The following SPATA16 variants were observed in gnomAD, a reference collection of about 807,000 sequenced individuals.
The protein encoded by SPATA16 is spermatogenesis associated 16, also known as spermatogenesis-associated protein 16.
In SPATA16, 36 loss-of-function variants were observed where a neutral mutation model predicts 63.3. The observed-to-expected ratio is 0.57, with a 90% CI of 0.44 to 0.75. The LOEUF (loss-of-function observed/expected upper bound fraction) is 0.75, where lower values mean the gene tolerates loss of function less well. SPATA16 is among the 30% of genes least tolerant of loss of function. SPATA16 has a pLI of 0.00. For synonymous variants in SPATA16, 203 were observed against 216.7 expected (o/e 0.94, Z 0.56); for missense variants, 646 against 679.3 (o/e 0.95, Z 0.54).
chr3:172,995,652 A>T (rs1734677409), intron 4 of SPATA16, among the ~76,000 whole-genome samples: 1 of 152,156 alleles, frequency 6.6e-6, no homozygotes, highest in African/African-American at 2.4e-5. Context: ...AAATTTGAGA[A>T]TATGGTGGAT....
chr3:172,918,561 G>A (rs990114096), intron 8 of SPATA16, among the ~76,000 whole-genome samples: 1 of 151,908 alleles, frequency 6.6e-6, no homozygotes, highest in African/African-American at 2.4e-5. Context: ...AGGGGTTTTT[G>A]AAAGACAAAG....
intron 3 of SPATA16, among the ~76,000 whole-genome samples, chr3:173,042,946 A>G (rs2108290658): frequency 6.6e-6 from 1 of 152,242 alleles, no homozygotes; most frequent in East Asian, 1.9e-4. Context: ...CTAGTAGTAC[A>G]CCTTCTCTTA....
chr3:172,916,369 T>G lies in SPATA16; in HGVS notation c.1451A>C (p.Glu484Ala), dbSNP rs756214592. Residue 484 changes from glutamate (E) to alanine (A), a missense_variant, in exon 9 of 11, where the codon GAG becomes GCG. Physicochemically the swap from Glu to Ala is moderately radical, Grantham distance 107 (BLOSUM62 -1). Transcript: ENST00000351008. Reference sequence around the variant, plus strand: ...CTGTAGGTAGGGAATGGTTGCTAGCTCTGCCATTGCTTGATTAATCACCTG... The same window carrying G: ...CTGTAGGTAGGGAATGGTTGCTAGCGCTGCCATTGCTTGATTAATCACCTG... ...QSQVINQAMAELATIPYLQDI... is the reference protein window; with the variant it reads ...QSQVINQAMAALATIPYLQDI... 18 of 1,613,760 alleles carry G rather than the reference T, an allele frequency of 1.1e-5. No homozygotes were observed. The highest frequency in any genetic ancestry group is 1.4e-5 in the Non-Finnish European group (16 of 1,179,796).
chr3:173,125,047 T>C (rs1231374328), intron 1 of SPATA16, among the ~76,000 whole-genome samples: 3 of 152,160 alleles, frequency 2.0e-5, no homozygotes, highest in Non-Finnish European at 4.4e-5. Flanking sequence ...ATCTAATACA[T>C]CTTAACAATA....
intron 4 of SPATA16, among the ~76,000 whole-genome samples, chr3:172,994,381 A>G (rs1255976718): frequency 1.3e-5 from 2 of 152,222 alleles, no homozygotes; most frequent in African/African-American, 4.8e-5. Flanking sequence ...AAGCAGAATC[A>G]GAGAAACCAG....
At chr3:173,010,433 G>GGT (rs1360742892) in intron 4 of SPATA16, among the ~76,000 whole-genome samples, 2 of 117,278 alleles carry the variant, frequency 1.7e-5, no homozygotes, top group Non-Finnish European at 3.5e-5. Flanking sequence ...GGCACGTTGT[G>GGT]GCGTGTGTGT....
At chr3:173,037,480 T>C (rs939159554) in intron 3 of SPATA16, among the ~76,000 whole-genome samples, 1 of 152,086 alleles carries the variant, frequency 6.6e-6, no homozygotes, top group African/African-American at 2.4e-5. Flanking sequence ...AATCAAACAC[T>C]GCTTTGAATT....
intron 1 of SPATA16, among the ~76,000 whole-genome samples, chr3:173,133,108 G>T (rs1303110781): frequency 6.6e-6 from 1 of 152,208 alleles, no homozygotes; most frequent in Non-Finnish European, 1.5e-5. Context: ...TTTATGGAAA[G>T]AAGCATTACT....
At chr3:173,024,132 C>G (rs918549673) in intron 3 of SPATA16, among the ~76,000 whole-genome samples, 1 of 151,256 alleles carries the variant, frequency 6.6e-6, no homozygotes, top group African/African-American at 2.4e-5. Context: ...TTTCCAAACT[C>G]TTATTGATAG....
chr3:173,053,264 A>C (rs1386323380), intron 2 of SPATA16, among the ~76,000 whole-genome samples: 2 of 152,020 alleles, frequency 1.3e-5, no homozygotes, highest in Non-Finnish European at 2.9e-5. Context: ...GATGAGGCAG[A>C]GTTTGCAGTG....
chr3:172,898,147 A>G (rs963634875), intron 10 of SPATA16, among the ~76,000 whole-genome samples: 1 of 151,992 alleles, frequency 6.6e-6, no homozygotes, highest in Non-Finnish European at 1.5e-5. Flanking sequence ...GCTAAATTCT[A>G]TTTGTTAATG....
At chr3:172,944,385 T>C (rs1323822553) in intron 6 of SPATA16, among the ~76,000 whole-genome samples, 1 of 152,124 alleles carries the variant, frequency 6.6e-6, no homozygotes, top group Admixed American at 6.5e-5. Flanking sequence ...CATGGGGAAA[T>C]TGGAACACTC....
rs192168200 is a variant in SPATA16 at position 173,138,711 on chromosome 3, G to T, written c.-19+2392C>A. Among the ~76,000 whole-genome samples the T allele has an allele frequency of 2.5e-4, 38 of 152,234 alleles. No individual in the cohort carries two copies. In the East Asian group the frequency reaches 7.3e-3, roughly 29 times the overall value. On this transcript the variant is annotated intron_variant, in intron 1 of 10. Transcript: ENST00000351008. ...ACCATGTCAATTTTCCACTTCTTGT[G>T]CAATTCTAGATGACAGTGTGAATTC...
intron 8 of SPATA16, among the ~76,000 whole-genome samples, chr3:172,920,599 A>G (rs1732596198): frequency 6.6e-6 from 1 of 152,202 alleles, no homozygotes; most frequent in Admixed American, 6.5e-5. Context: ...AGAAAAATTG[A>G]AAATTAGGGC....
intron 2 of SPATA16, among the ~76,000 whole-genome samples, chr3:173,091,087 G>A (rs1272037734): frequency 6.6e-6 from 1 of 151,992 alleles, no homozygotes; most frequent in Admixed American, 6.6e-5. Context: ...TCTGATATAT[G>A]TCTACCACCA....
At chr3:172,905,902 A>G (rs997961405) in intron 10 of SPATA16, among the ~76,000 whole-genome samples, 1 of 152,214 alleles carries the variant, frequency 6.6e-6, no homozygotes, top group Non-Finnish European at 1.5e-5. Context: ...TTTTCTCATT[A>G]CTTTTAATGT....
intron 1 of SPATA16, among the ~76,000 whole-genome samples, chr3:173,118,036 C>A (rs1306983682): frequency 6.6e-6 from 1 of 152,026 alleles, no homozygotes; most frequent in Admixed American, 6.5e-5. Context: ...ATGGGGTATC[C>A]AAACTCATTG....
chr3:173,010,173 C>T (rs967218522), intron 4 of SPATA16, among the ~76,000 whole-genome samples: 22 of 152,336 alleles, frequency 1.4e-4, no homozygotes, highest in Admixed American at 4.6e-4. Flanking sequence ...CACCTGAGCA[C>T]TCTGGTTGGC....
intron 4 of SPATA16, among the ~76,000 whole-genome samples, chr3:173,004,112 T>C (rs1447751340): frequency 3.3e-5 from 5 of 152,196 alleles, no homozygotes; most frequent in Admixed American, 3.3e-4. Context: ...ACCTTCACAA[T>C]TAGTGGCATC....
Sources: allele counts gnomAD v4.1 joint callset (sites outside exome capture counted in the v4.1 genomes callset), GRCh38; gene constraint gnomAD v4.1.1; transcripts MANE v1.5; gene names NCBI Gene and HGNC (gene_info 2026-07-23, HGNC 2026-07-21).